The following CLEC16A variants were observed in gnomAD, a reference collection of about 807,000 sequenced individuals.
CLEC16A encodes the protein protein CLEC16A.
Under a neutral mutation model 109.5 loss-of-function variants are expected in CLEC16A, and 51 were observed. That is an observed-to-expected ratio of 0.47 (90% CI 0.37 to 0.59). The LOEUF is 0.59. Ranked by LOEUF, CLEC16A falls within the 20% of genes least tolerant of loss-of-function variation. The pLI is 0.00. For missense variants in CLEC16A, 1,339 were observed against 1,394.0 expected (o/e 0.96, Z 0.63); for synonymous variants, 673 against 564.2 (o/e 1.19, Z -2.73).
intron 22 of CLEC16A, among the ~76,000 whole-genome samples, chr16:11,144,590 CCA>C (rs1374288653): frequency 6.6e-6 from 1 of 152,222 alleles, no homozygotes; most frequent in Non-Finnish European, 1.5e-5. Context: ...AGGATCTTCC[CCA>C]GCTTGAGGCC....
rs1425088715 is a variant in CLEC16A, at chr16:11,178,588, C to T, written c.3060C>T (p.Ser1020=). The change falls in exon 24 of 24, where the codon AGC becomes AGT. Residue 1020 remains serine, a synonymous_variant. Transcript: ENST00000409790. The surrounding 1 kb of genome is among the most constrained non-coding windows in gnomAD (Gnocchi z 6.5). ...CAGTTGACCCCCACAGCCTCCGCAG[C>T]CTCACCGGCATGCCCCCGCTGTCCA... ...VPPVDPHSLR[S]LTGMPPLSTP... The T allele has an allele frequency of 1.9e-6, 3 of 1,609,890 alleles. No individual in the cohort carries two copies. The highest frequency in any genetic ancestry group is 1.1e-5 in the South Asian group (1 of 90,966).
At chr16:11,100,498 G>C (rs1331674190) in intron 19 of CLEC16A, among the ~76,000 whole-genome samples, 1 of 152,212 alleles carries the variant, frequency 6.6e-6, no homozygotes, top group East Asian at 1.9e-4. Flanking sequence ...AACTTAGTGT[G>C]GCCCAGAGAA....
At chr16:11,019,445 C>CA (rs1443189984) in intron 11 of CLEC16A, among the ~76,000 whole-genome samples, 1 of 152,170 alleles carries the variant, frequency 6.6e-6, no homozygotes, top group Non-Finnish European at 1.5e-5. Flanking sequence ...CAAAAGGCTT[C>CA]AGTCACATCA....
At chr16:11,046,574 G>A (rs1335689128) in intron 16 of CLEC16A, among the ~76,000 whole-genome samples, 6 of 152,150 alleles carry the variant, frequency 3.9e-5, no homozygotes, top group Non-Finnish European at 8.8e-5. Flanking sequence ...TGCTCACACT[G>A]ACCCAACCCT....
intron 10 of CLEC16A, among the ~76,000 whole-genome samples, chr16:10,987,498 C>T (rs1408098843): frequency 6.6e-6 from 1 of 152,148 alleles, no homozygotes; most frequent in East Asian, 1.9e-4. Flanking sequence ...CACAAACTGC[C>T]TTTGGGATGT....
chr16:11,088,819 G>A (rs2050149665), intron 19 of CLEC16A, among the ~76,000 whole-genome samples: 1 of 152,194 alleles, frequency 6.6e-6, no homozygotes, highest in Non-Finnish European at 1.5e-5. Context: ...TCGGGTGGGG[G>A]TCCTGCCGTT....
At chr16:11,143,425 G>C (rs939118757) in intron 22 of CLEC16A, among the ~76,000 whole-genome samples, 2 of 152,108 alleles carry the variant, frequency 1.3e-5, no homozygotes, top group East Asian at 1.9e-4. Flanking sequence ...TAATGTACAG[G>C]GTCAGTCCAG....
chr16:11,042,372 C>T lies in CLEC16A; in HGVS notation c.1770+9C>T. 6.4e-7 allele frequency: 1 copy of T among 1,552,904 alleles called. No homozygotes were observed. The highest frequency in any genetic ancestry group is 1.2e-5 in the South Asian group (1 of 84,766). The stretch of plus-strand genomic sequence containing the variant: ...ACCTGGCCTGCCTGGAGGTAACGCC[C>T]TCTCCGCTCCTCCTTCCTGTGGGCC... On this transcript the variant is annotated intron_variant, in intron 15 of 23. Coordinates refer to ENST00000409790, the MANE Select transcript of CLEC16A (RefSeq NM_015226.3).
intron 4 of CLEC16A, 101 bp from the exon 5 acceptor site, chr16:10,971,024 T>TG: frequency 5.6e-5 from 34 of 607,236 alleles, no homozygotes; most frequent in South Asian, 3.1e-4. Flanking sequence ...TTTTTTTTTT[T>TG]TGTCTTTTTC....
At chr16:11,139,732 A>G (rs1224501526) in intron 22 of CLEC16A, among the ~76,000 whole-genome samples, 1 of 152,206 alleles carries the variant, frequency 6.6e-6, no homozygotes, top group Non-Finnish European at 1.5e-5. Context: ...AGATGCTTCA[A>G]CTGTATGAAC....
chr16:11,031,276 G>A (rs1165994079), intron 13 of CLEC16A, among the ~76,000 whole-genome samples: 1 of 152,244 alleles, frequency 6.6e-6, no homozygotes, highest in Admixed American at 6.5e-5. Flanking sequence ...AGAAGGTGCT[G>A]TCTGTGTGGT....
At chr16:11,039,298 A>G (rs2047190316) in intron 13 of CLEC16A, among the ~76,000 whole-genome samples, 1 of 152,222 alleles carries the variant, frequency 6.6e-6, no homozygotes, top group South Asian at 2.1e-4. Flanking sequence ...GTCATTGGCT[A>G]GCATGCAAAA....
chr16:10,944,901 C>A, intron 1 of CLEC16A, 104 bp downstream of exon 1: 1 of 1,143,486 alleles, frequency 8.7e-7, no homozygotes, highest in Non-Finnish European at 1.2e-6. Flanking sequence ...CGGCGAAGGG[C>A]GCCCGGGGAA....
intron 23 of CLEC16A, among the ~76,000 whole-genome samples, chr16:11,168,571 T>G (rs2068371560): frequency 6.6e-6 from 1 of 152,238 alleles, no homozygotes; most frequent in Non-Finnish European, 1.5e-5. Flanking sequence ...CAGCCTGGGC[T>G]TTACTCTTAC....
intron 22 of CLEC16A, among the ~76,000 whole-genome samples, chr16:11,129,596 GCC>G (rs2053055056): frequency 1.3e-5 from 2 of 152,146 alleles, no homozygotes; most frequent in African/African-American, 2.4e-5. Flanking sequence ...AATCACTGTG[GCC>G]TTCCCTGCCC....
At chr16:10,974,650 G>A (rs1034686642) in intron 7 of CLEC16A, among the ~76,000 whole-genome samples, 4 of 152,232 alleles carry the variant, frequency 2.6e-5, no homozygotes, top group African/African-American at 9.6e-5. Flanking sequence ...CTTTGCCCAG[G>A]CCTAGTGAGA....
chr16:10,957,475 G>A lies in CLEC16A; in HGVS notation c.81-307G>A, dbSNP rs181392699. ...AATCTGAATTTCCGAGGGGGCTCCAGGAGCCCCCACTTGATTCAGTTCTCC... is the reference window on the plus strand; with the variant it reads ...AATCTGAATTTCCGAGGGGGCTCCAAGAGCCCCCACTTGATTCAGTTCTCC... On this transcript the variant is annotated intron_variant, in intron 1 of 23. Coordinates refer to ENST00000409790, the MANE Select transcript of CLEC16A (RefSeq NM_015226.3). Among the ~76,000 whole-genome samples the A allele has an allele frequency of 5.2e-3, 797 of 152,348 alleles. 5 individuals carry two copies. The highest frequency in any genetic ancestry group is 0.01 in the Middle Eastern group (3 of 294).
intron 22 of CLEC16A, among the ~76,000 whole-genome samples, chr16:11,131,867 C>G (rs114145585): frequency 1.3e-5 from 2 of 152,152 alleles, no homozygotes. Flanking sequence ...GCCCTTCAGC[C>G]GCACTGGCTG....
At chr16:11,112,375 ATGGGTCAGGTGTGG>A (rs2051652268) in intron 19 of CLEC16A, among the ~76,000 whole-genome samples, 1 of 151,734 alleles carries the variant, frequency 6.6e-6, no homozygotes, top group Non-Finnish European at 1.5e-5. Flanking sequence ...ATAAAATAGA[ATGGGTCAGGTGTGG>A]TGGCTCACAC....
Sources: gnomAD v4.1 joint callset for allele counts (sites outside exome capture counted in the v4.1 genomes callset) on GRCh38, gnomAD v4.1.1 for gene constraint, Gnocchi (gnomAD v3.1) non-coding constraint, MANE v1.5 for transcripts, NCBI Gene and HGNC (gene_info 2026-07-23, HGNC 2026-07-21) for gene names.